The following FREM1 variants were observed in gnomAD, a reference collection of about 807,000 sequenced individuals.
FREM1 encodes FRAS1 related extracellular matrix 1, also known as FRAS1-related extracellular matrix protein 1.
FREM1 carries 220 observed loss-of-function variants against 210.1 expected under a neutral mutation model. The observed-to-expected ratio is 1.05, with a 90% CI of 0.94 to 1.17. The LOEUF (loss-of-function observed/expected upper bound fraction) is 1.17, where lower values mean the gene tolerates loss of function less well. Ranked by LOEUF, FREM1 falls within the 50% of genes most tolerant of loss-of-function variation. FREM1 has a pLI of 0.00. For synonymous variants in FREM1, 1,189 were observed against 980.2 expected, an observed-to-expected ratio of 1.21 and a Z score of -3.98; for missense variants, 3,454 against 2,675.5, an observed-to-expected ratio of 1.29 and a Z score of -6.42.
chr9:14,798,578 C>A (rs1171498761), intron 20 of FREM1, among the ~76,000 whole-genome samples: 1 of 152,122 alleles, frequency 6.6e-6, no homozygotes, highest in Non-Finnish European at 1.5e-5. Flanking sequence ...CCACTTCACT[C>A]AAGCCTGGGT....
At chr9:14,764,159 T>C (rs1372556248) in intron 27 of FREM1, among the ~76,000 whole-genome samples, 1 of 152,230 alleles carries the variant, frequency 6.6e-6, no homozygotes, top group African/African-American at 2.4e-5. Flanking sequence ...CCCTTTTCAC[T>C]TGGCTCTCAT....
At chr9:14,835,628 A>G (rs1171446188) in intron 10 of FREM1, among the ~76,000 whole-genome samples, 1 of 152,186 alleles carries the variant, frequency 6.6e-6, no homozygotes, top group Non-Finnish European at 1.5e-5. Context: ...AGGATCACCC[A>G]ACTCACAGGT....
chr9:14,864,059 A>AC (rs1158532107), intron 2 of FREM1, among the ~76,000 whole-genome samples, 156 bp from the exon 3 acceptor site: 3 of 151,892 alleles, frequency 2.0e-5, no homozygotes, highest in African/African-American at 7.3e-5. Context: ...CCTCTACCCT[A>AC]CCCCCATACC....
chr9:14,808,125 A>G lies in FREM1; in HGVS notation c.2903T>C (p.Ile968Thr). Residue 968 changes from isoleucine to threonine, a missense_variant, in exon 17 of 37, where the codon ATT becomes ACT. Coordinates refer to ENST00000380880, the MANE Select transcript of FREM1 (RefSeq NM_001379081.2). The stretch of plus-strand genomic sequence containing the variant: ...GGTGTCAAAACAAGGCATCAGGCCA[A>G]TCTCGCCACCTGGAAGACACAACTA... ...AVTYKHTGGE[I>T]GLMPCFDTIT... 1.3e-6 allele frequency: 2 copies of G among 1,594,676 alleles called. No homozygotes were observed. Among genetic ancestry groups the G allele is most frequent in the Non-Finnish European group, 1.7e-6 (2 of 1,169,460 alleles).
intron 25 of FREM1, among the ~76,000 whole-genome samples, chr9:14,775,524 G>T (rs1162193453): frequency 1.3e-5 from 2 of 151,914 alleles, no homozygotes; most frequent in African/African-American, 4.8e-5. Context: ...TGACTGACAT[G>T]GTGAAACCGT....
chr9:14,861,084 TACACATATATATAA>T (rs1830261800), intron 3 of FREM1, among the ~76,000 whole-genome samples: 2 of 115,336 alleles, frequency 1.7e-5, no homozygotes, highest in South Asian at 2.4e-4. Flanking sequence ...TATACATATA[TACACATATATATAA>T]ACATATATAC....
At chr9:14,760,003 C>T in intron 27 of FREM1, 102 bp from the exon 28 acceptor site, 1 of 803,504 alleles carries the variant, frequency 1.2e-6, no homozygotes, top group African/African-American at 1.7e-5. Flanking sequence ...GATCAACCTA[C>T]ACCAGTGATG....
intron 16 of FREM1, 136 bp from the exon 17 acceptor site, chr9:14,808,270 C>T (rs1031233188): frequency 2.0e-5 from 11 of 553,748 alleles, no homozygotes; most frequent in East Asian, 1.5e-4. Context: ...ATGTAAAACC[C>T]AATTTTATCA....
At chr9:14,842,695 A>C in intron 8 of FREM1, 35 bp from the exon 9 acceptor site, 1 of 1,492,202 alleles carries the variant, frequency 6.7e-7, no homozygotes, top group Non-Finnish European at 9.3e-7. Flanking sequence ...CAGATTGAGC[A>C]AGGGAGTGCA....
intron 35 of FREM1, among the ~76,000 whole-genome samples, chr9:14,742,985 C>CT (rs1841838562): frequency 6.6e-6 from 1 of 152,024 alleles, no homozygotes; most frequent in Non-Finnish European, 1.5e-5. Context: ...CCTTGAACCT[C>CT]TTTTTAAAAT....
chr9:14,816,419 T>C (rs975971424), intron 15 of FREM1, among the ~76,000 whole-genome samples: 1 of 152,084 alleles, frequency 6.6e-6, no homozygotes, highest in African/African-American at 2.4e-5. Flanking sequence ...GTCTGTATGA[T>C]TGCTATGATT....
chr9:14,904,582 A>G (rs1817361895), intron 1 of FREM1, among the ~76,000 whole-genome samples: 1 of 152,080 alleles, frequency 6.6e-6, no homozygotes, highest in South Asian at 2.1e-4. Flanking sequence ...AAGGGGAGTG[A>G]CTTGATGGTT....
chr9:14,809,182 C>G (rs1409425412), intron 16 of FREM1, among the ~76,000 whole-genome samples: 1 of 152,206 alleles, frequency 6.6e-6, no homozygotes, highest in Non-Finnish European at 1.5e-5. Flanking sequence ...TCTTTGCTTG[C>G]TGCCATCCAT....
intron 28 of FREM1, among the ~76,000 whole-genome samples, chr9:14,758,789 A>T (rs542279309): frequency 6.6e-6 from 1 of 152,294 alleles, no homozygotes; most frequent in South Asian, 2.1e-4. Context: ...CCTAAAAAAA[A>T]TTCTTCAATT....
intron 1 of FREM1, among the ~76,000 whole-genome samples, chr9:14,909,699 A>G (rs1818410681): frequency 6.6e-6 from 1 of 152,238 alleles, no homozygotes; most frequent in Admixed American, 6.5e-5. Flanking sequence ...GTGTCACGTA[A>G]TAAAAAGAAT....
chr9:14,824,633 G>C (rs921025519), intron 11 of FREM1, among the ~76,000 whole-genome samples, 163 bp downstream of exon 11: 6 of 152,130 alleles, frequency 3.9e-5, no homozygotes, highest in African/African-American at 1.4e-4. Flanking sequence ...AGGGAGATAG[G>C]AAGTTGTTTG....
intron 24 of FREM1, 146 bp downstream of exon 24, chr9:14,784,224 A>G (rs775699561): frequency 3.1e-6 from 2 of 652,654 alleles, no homozygotes; most frequent in Non-Finnish European, 2.3e-6. Context: ...AACAAATTTC[A>G]TTCTATAAAT....
intron 27 of FREM1, among the ~76,000 whole-genome samples, chr9:14,760,919 C>T (rs1003001739): frequency 2.0e-5 from 3 of 152,048 alleles, no homozygotes; most frequent in Non-Finnish European, 4.4e-5. Flanking sequence ...ACCTTCACTA[C>T]GATTGTTAAC....
At chr9:14,776,237 G>T in intron 24 of FREM1, 34 bp from the exon 25 acceptor site, 4 of 1,504,540 alleles carry the variant, frequency 2.7e-6, no homozygotes, top group Non-Finnish European at 3.5e-6. Flanking sequence ...CTTCAGCATG[G>T]ATTCTTGTGT....
Sources: allele counts gnomAD v4.1 joint callset (sites outside exome capture counted in the v4.1 genomes callset), GRCh38; gene constraint gnomAD v4.1.1; transcripts MANE v1.5; gene names NCBI Gene and HGNC (gene_info 2026-07-23, HGNC 2026-07-21).